The following PLEKHG3 variants were observed in gnomAD, a reference collection of about 807,000 sequenced individuals.
The protein encoded by PLEKHG3 is pleckstrin homology domain-containing family G member 3.
Under a neutral mutation model 94.9 loss-of-function variants are expected in PLEKHG3, and 62 were observed. The observed-to-expected ratio is 0.65, with a 90% CI of 0.53 to 0.81. The LOEUF (loss-of-function observed/expected upper bound fraction) is 0.81, where lower values mean the gene tolerates loss of function less well. Ranked by LOEUF, PLEKHG3 falls within the 30% of genes least tolerant of loss-of-function variation. The probability of loss-of-function intolerance (pLI) is 0.00; values close to 1 mark genes in which losing one functional copy is unlikely to be tolerated. For missense variants in PLEKHG3, 1,461 were observed against 1,619.3 expected, an observed-to-expected ratio of 0.90 and a Z score of 1.68; for synonymous variants, 614 against 654.0, an observed-to-expected ratio of 0.94 and a Z score of 0.93.
At chr14:64,742,755 T>C (rs887397575) in intron 16 of PLEKHG3, among the ~76,000 whole-genome samples, 1 of 152,130 alleles carries the variant, frequency 6.6e-6, no homozygotes. Flanking sequence ...GAGCAGAAGC[T>C]CTCCCCCTCT....
chr14:64,709,236 G>T (rs2081027991), intron 1 of PLEKHG3, among the ~76,000 whole-genome samples: 1 of 152,198 alleles, frequency 6.6e-6, no homozygotes, highest in Admixed American at 6.5e-5. Flanking sequence ...CCCACCCTTA[G>T]AGTAATCTGG....
At chr14:64,724,421 G>A (rs573563143) in intron 1 of PLEKHG3, among the ~76,000 whole-genome samples, 1 of 152,076 alleles carries the variant, frequency 6.6e-6, no homozygotes, top group Non-Finnish European at 1.5e-5. Flanking sequence ...CCTTGTGATC[G>A]TGGGTCTCCT....
At chr14:64,719,685 T>C (rs1382882270) in intron 1 of PLEKHG3, among the ~76,000 whole-genome samples, 4 of 151,020 alleles carry the variant, frequency 2.6e-5, no homozygotes, top group African/African-American at 4.9e-5. Context: ...ACCCACTTGG[T>C]TCCCACCGAG....
At position 64,723,040 on chromosome 14, in the gene PLEKHG3, G is replaced by A. The variant is rs1394382812; in HGVS notation, c.-39-4553G>A. On this transcript the variant is annotated intron_variant, in intron 1 of 16. Coordinates refer to ENST00000247226, the MANE Select transcript of PLEKHG3 (RefSeq NM_001308147.2). The surrounding 1 kb of genome is among the most constrained non-coding windows in gnomAD (Gnocchi z 4.5). ...GCATGGTGCTGAGGCGTAGTGGGGA[G>A]GGGAAGGATGTGGCCCCAGTCTGCT... Among the ~76,000 whole-genome samples the A allele has an allele frequency of 6.6e-6, 1 of 152,170 alleles. No individual in the cohort carries two copies. The highest frequency in any genetic ancestry group is 1.5e-5 in the Non-Finnish European group (1 of 68,016).
Position 64,732,302 on chromosome 14 carries a change from C to A in PLEKHG3, c.1212+121C>A. 1 of 1,214,256 alleles carries A rather than the reference C, an allele frequency of 8.2e-7. No homozygotes were observed. Among genetic ancestry groups the A allele is most frequent in the Non-Finnish European group, 1.2e-6 (1 of 818,140 alleles). The allele number at this position is 1,214,256 out of a possible 1,614,324, so 75.2% of individuals were successfully genotyped here. On this transcript the variant is annotated intron_variant, in intron 10 of 16. Coordinates refer to ENST00000247226, the MANE Select transcript of PLEKHG3 (RefSeq NM_001308147.2). This position sits in a 1 kb window ranked among gnomAD's most constrained non-coding sequence, Gnocchi z 4.9. The stretch of plus-strand genomic sequence containing the variant: ...CTCCAGTGGACAGTGAGTGTCAGTA[C>A]AGCAGATGCCCCGGGCCTTGGTGCA...
At chr14:64,710,328 A>C (rs1014662095) in intron 1 of PLEKHG3, among the ~76,000 whole-genome samples, 1 of 152,210 alleles carries the variant, frequency 6.6e-6, no homozygotes, top group Non-Finnish European at 1.5e-5. Context: ...TAACTTCTAC[A>C]TATAAGCTAT....
rs900311291 is a variant in PLEKHG3 at position 64,715,748 on chromosome 14, C to G, written c.-40+11044C>G. The G allele has an allele frequency of 3.4e-5, 11 of 319,318 alleles. No homozygotes were observed. Among genetic ancestry groups the G allele is most frequent in the African/African-American group, 2.3e-4 (10 of 44,334 alleles). The allele number at this position is 319,318 out of a possible 1,614,324, so 19.8% of individuals were successfully genotyped here. ...GCTGGAGGTTTGTGCAGGTCCTCAGCCCTGTGGCGCTCACCTCCCAGGGCT... is the reference window on the plus strand; with the variant it reads ...GCTGGAGGTTTGTGCAGGTCCTCAGGCCTGTGGCGCTCACCTCCCAGGGCT... On this transcript the variant is annotated intron_variant, in intron 1 of 16. Transcript: ENST00000247226. The surrounding 1 kb of genome is among the most constrained non-coding windows in gnomAD (Gnocchi z 4.4).
rs958234328 is a variant in PLEKHG3 at position 64,727,366 on chromosome 14, A to G, written c.-39-227A>G. ...AAATACACATAACATAAAATTTACC[A>G]TCTTCACCATTTTAAGTGTACAGTT... On this transcript the variant is annotated intron_variant, in intron 1 of 16. Coordinates refer to ENST00000247226, the MANE Select transcript of PLEKHG3 (RefSeq NM_001308147.2). This position sits in a 1 kb window ranked among gnomAD's most constrained non-coding sequence, Gnocchi z 6.0. Among the ~76,000 whole-genome samples, 1 of 152,198 alleles carries G rather than the reference A, an allele frequency of 6.6e-6. No individual in the cohort carries two copies. The highest frequency in any genetic ancestry group is 2.4e-5 in the African/African-American group (1 of 41,442).
chr14:64,720,396 G>A lies in PLEKHG3; in HGVS notation c.-39-7197G>A, dbSNP rs1350518716. On this transcript the variant is annotated intron_variant, in intron 1 of 16. Coordinates refer to ENST00000247226, the MANE Select transcript of PLEKHG3 (RefSeq NM_001308147.2). This position sits in a 1 kb window ranked among gnomAD's most constrained non-coding sequence, Gnocchi z 4.1. Reference sequence around the variant, plus strand: ...CTAATGTGGAGACTCATTAGGCTAGGAGGAACTGGCTTTGGTCTTGACCTC... The same window carrying A: ...CTAATGTGGAGACTCATTAGGCTAGAAGGAACTGGCTTTGGTCTTGACCTC... 2.6e-5 allele frequency among the ~76,000 whole-genome samples: 4 copies of A among 152,230 alleles called. No homozygotes were observed. The highest frequency in any genetic ancestry group is 9.6e-5 in the African/African-American group (4 of 41,454).
chr14:64,707,216 G>A (rs982399616), intron 1 of PLEKHG3, among the ~76,000 whole-genome samples: 2 of 152,190 alleles, frequency 1.3e-5, no homozygotes, highest in African/African-American at 4.8e-5. Context: ...CCAGGAGGAA[G>A]GGGCTACTGG....
rs748823928 is a variant in PLEKHG3, at chr14:64,749,775, A to G, written c.*6072A>G. 31 of 1,565,942 alleles carry G rather than the reference A, an allele frequency of 2.0e-5. No homozygotes were observed. The highest frequency in any genetic ancestry group is 2.5e-5 in the Non-Finnish European group (29 of 1,147,508). On this transcript the variant is annotated 3_prime_UTR_variant, in exon 17 of 17. Transcript: ENST00000247226. The surrounding 1 kb of genome is among the most constrained non-coding windows in gnomAD (Gnocchi z 4.7). ...GCAGAGGGCTGGCTCTGATCCCACA[A>G]TACCCTGAGCCGAACATCCAGACCC...
rs1405345424 is a variant in PLEKHG3, at chr14:64,730,160, G to C, written c.450-83G>C. ...AGCAATAGGGCTGGCTGTCAGTCAG[G>C]GTTTGGGAGGTTGGGGAGGGGGCAG... On this transcript the variant is annotated intron_variant, in intron 3 of 16. Coordinates refer to ENST00000247226, the MANE Select transcript of PLEKHG3 (RefSeq NM_001308147.2). The surrounding 1 kb of genome is among the most constrained non-coding windows in gnomAD (Gnocchi z 5.4). 3.0e-5 allele frequency: 23 copies of C among 758,368 alleles called. No homozygotes were observed. In the East Asian group the frequency reaches 5.9e-4, roughly 19 times the overall value. The allele number at this position is 758,368 out of a possible 1,614,324, so 47.0% of individuals were successfully genotyped here.
In PLEKHG3 at chr14:64,731,249, C is replaced by A. The variant is rs1159890913; in HGVS notation, c.849+80C>A. Reference sequence around the variant, plus strand: ...CGCTGGGAAGAGGGACTGTGGCCACCCTGCTGGGATGAGCTGGGCAGTGGC... The same window carrying A: ...CGCTGGGAAGAGGGACTGTGGCCACACTGCTGGGATGAGCTGGGCAGTGGC... On this transcript the variant is annotated intron_variant, in intron 7 of 16. Transcript: ENST00000247226. The surrounding 1 kb of genome is among the most constrained non-coding windows in gnomAD (Gnocchi z 6.1). 6.8e-7 allele frequency: 1 copy of A among 1,479,418 alleles called. No individual in the cohort carries two copies. The highest frequency in any genetic ancestry group is 9.3e-7 in the Non-Finnish European group (1 of 1,070,690). The allele number at this position is 1,479,418 out of a possible 1,614,324, so 91.6% of individuals were successfully genotyped here.
At chr14:64,734,491 A>C (rs757671175) in intron 12 of PLEKHG3, among the ~76,000 whole-genome samples, 2 of 152,024 alleles carry the variant, frequency 1.3e-5, no homozygotes, top group Non-Finnish European at 2.9e-5. Flanking sequence ...TGAATTGTAC[A>C]CTCTAAATAG....
In PLEKHG3 at chr14:64,743,247, C is replaced by T. The variant is rs771633972; in HGVS notation, c.3204C>T (p.Gly1068=). The T allele has an allele frequency of 1.1e-5, 18 of 1,605,964 alleles. No individual in the cohort carries two copies. Among genetic ancestry groups the T allele is most frequent in the South Asian group, 3.3e-5 (3 of 90,758 alleles). The part of the protein sequence containing the change: ...ASRDEARRAG[G]GRPRGPPVNR... ...GCGATGAGGCACGCCGAGCAGGGGG[C>T]GGCCGGCCCCGCGGCCCACCCGTCA... The change falls in exon 17 of 17, where the codon GGC becomes GGT. Residue 1068 remains glycine (G), a synonymous_variant. Coordinates refer to ENST00000247226, the MANE Select transcript of PLEKHG3 (RefSeq NM_001308147.2). This position sits in a 1 kb window ranked among gnomAD's most constrained non-coding sequence, Gnocchi z 7.2.
chr14:64,743,926 T>C lies in PLEKHG3; in HGVS notation c.*223T>C. 2.1e-6 allele frequency: 1 copy of C among 466,636 alleles called. No individual in the cohort carries two copies. Among genetic ancestry groups the C allele is most frequent in the Non-Finnish European group, 3.8e-6 (1 of 266,606 alleles). The allele number at this position is 466,636 out of a possible 1,614,324, so 28.9% of individuals were successfully genotyped here. On this transcript the variant is annotated 3_prime_UTR_variant, in exon 17 of 17. Transcript: ENST00000247226. The surrounding 1 kb of genome is among the most constrained non-coding windows in gnomAD (Gnocchi z 7.2). ...ATTTCCCACTCACCTGTGAGGCCGG[T>C]GTGGCTGCTTCCCTTGTAAATAGTT...
At position 64,731,696 on chromosome 14, in the gene PLEKHG3, C is replaced by T; in HGVS notation, c.1033-18C>T. ...GCTGTCAACCTTGTGCTTGACTGTCCTTTCCCTCTGCCCCTAGTGCTCCTC... is the reference window on the plus strand; with the variant it reads ...GCTGTCAACCTTGTGCTTGACTGTCTTTTCCCTCTGCCCCTAGTGCTCCTC... On this transcript the variant is annotated intron_variant, in intron 8 of 16. Transcript: ENST00000247226. The surrounding 1 kb of genome is among the most constrained non-coding windows in gnomAD (Gnocchi z 6.1). The T allele has an allele frequency of 6.3e-7, 1 of 1,598,682 alleles. No homozygotes were observed. Among genetic ancestry groups the T allele is most frequent in the South Asian group, 1.1e-5 (1 of 90,762 alleles).
chr14:64,716,496 AACACAC>A lies in PLEKHG3; in HGVS notation c.-39-11047_-39-11042del, dbSNP rs58480790. ...ACACACACACAACACACACACACAC[AACACAC>A]ACACACACACACACACACACACACA... On this transcript the variant is annotated intron_variant, in intron 1 of 16. Coordinates refer to ENST00000247226, the MANE Select transcript of PLEKHG3 (RefSeq NM_001308147.2). This position sits in a 1 kb window ranked among gnomAD's most constrained non-coding sequence, Gnocchi z 5.0. Among the ~76,000 whole-genome samples, 2,065 of 79,394 alleles carry A rather than the reference AACACAC, an allele frequency of 0.026. 20 individuals are homozygous for A. The highest frequency in any genetic ancestry group is 0.027 in the African/African-American group (529 of 19,606). The allele number at this position is 79,394 out of a possible 152,430, so 52.1% of individuals were successfully genotyped here.
chr14:64,736,963 A>G, intron 13 of PLEKHG3, 72 bp downstream of exon 13: 1 of 1,134,932 alleles, frequency 8.8e-7, no homozygotes, highest in South Asian at 1.2e-5. Context: ...GCAGCCGACA[A>G]CCTGGGGTGT....
Sources: allele counts gnomAD v4.1 joint callset (sites outside exome capture counted in the v4.1 genomes callset), GRCh38; gene constraint gnomAD v4.1.1; non-coding constraint Gnocchi (gnomAD v3.1); transcripts MANE v1.5; gene names NCBI Gene and HGNC (gene_info 2026-07-23, HGNC 2026-07-21).